Variants in SLC44A5 observed in about 807,000 individuals in gnomAD.
SLC44A5 encodes the protein choline transporter-like protein 5.
SLC44A5 carries 57 observed loss-of-function variants against 101.8 expected under a neutral mutation model. That is an observed-to-expected ratio of 0.56 (90% confidence interval 0.45 to 0.70). The LOEUF is 0.70. Among genes scored for constraint, SLC44A5 ranks in the 30% least tolerant of loss-of-function variants. The probability of loss-of-function intolerance (pLI) is 0.00; values close to 1 mark genes in which losing one functional copy is unlikely to be tolerated. For synonymous variants in SLC44A5, 281 were observed against 290.9 expected (o/e 0.97, Z 0.35); for missense variants, 737 against 853.1 (o/e 0.86, Z 1.70).
chr1:75,682,328 G>A, the SLC44A5 span, among the ~76,000 whole-genome samples: 1 of 152,010 alleles, frequency 6.6e-6, no homozygotes, highest in Non-Finnish European at 1.5e-5. Flanking sequence ...CAAAGCTGGA[G>A]GCATCACACT....
chr1:75,542,298 T>G (rs1480167630), intron 1 of SLC44A5, among the ~76,000 whole-genome samples: 3 of 152,160 alleles, frequency 2.0e-5, no homozygotes, highest in African/African-American at 7.2e-5. Context: ...TGCCTAGATC[T>G]TCTATGTATA....
At chr1:75,360,013 T>G (rs1031865816) in intron 3 of SLC44A5, among the ~76,000 whole-genome samples, 4 of 152,208 alleles carry the variant, frequency 2.6e-5, no homozygotes, top group African/African-American at 4.8e-5. Context: ...TTAATTGAGT[T>G]ACTTGTTTCC....
At chr1:75,681,223 T>C in the SLC44A5 span, among the ~76,000 whole-genome samples, 14 of 152,186 alleles carry the variant, frequency 9.2e-5, no homozygotes, top group Non-Finnish European at 1.6e-4. Flanking sequence ...TTCCAATCAA[T>C]AGAAAAAGAG....
intron 2 of SLC44A5, among the ~76,000 whole-genome samples, chr1:75,463,518 A>C (rs1356777247): frequency 6.6e-6 from 1 of 151,942 alleles, no homozygotes; most frequent in Non-Finnish European, 1.5e-5. Context: ...CAGATTTTTC[A>C]GTGGAAATCT....
chr1:75,234,665 C>CA (rs1647907394), intron 11 of SLC44A5, among the ~76,000 whole-genome samples: 1 of 152,052 alleles, frequency 6.6e-6, no homozygotes, highest in Non-Finnish European at 1.5e-5. Context: ...TGCCTTATGT[C>CA]ATCCAGACTT....
chr1:75,322,039 T>C (rs910443621), intron 4 of SLC44A5, among the ~76,000 whole-genome samples: 2 of 152,128 alleles, frequency 1.3e-5, no homozygotes, highest in African/African-American at 4.8e-5. Context: ...ACAGGCCAGG[T>C]GTGGTGGCTC....
intron 2 of SLC44A5, among the ~76,000 whole-genome samples, chr1:75,492,313 A>C (rs1668466360): frequency 6.6e-6 from 1 of 152,208 alleles, no homozygotes; most frequent in African/African-American, 2.4e-5. Flanking sequence ...AGCCTGTCAA[A>C]ACTTTAGTAG....
intron 2 of SLC44A5, among the ~76,000 whole-genome samples, chr1:75,459,237 G>A (rs185410814): frequency 6.6e-6 from 1 of 152,278 alleles, no homozygotes; most frequent in Non-Finnish European, 1.5e-5. Context: ...GCTATTGCCT[G>A]TCTTACGAAA....
At position 75,444,483 on chromosome 1, in the gene SLC44A5, G is replaced by GAAGAAAGAAAGAAAGA. The variant is rs369997923; in HGVS notation, c.14-47878_14-47863dup. On this transcript the variant is annotated intron_variant, in intron 2 of 23. Transcript: ENST00000370859. ...AAAGAAAAAAAGAAAGAGAAAGAAA[G>GAAGAAAGAAAGAAAGA]AAGAAAGAAAGAAAGAAAGAAAGAA... 5.7e-3 allele frequency among the ~76,000 whole-genome samples: 807 copies of GAAGAAAGAAAGAAAGA among 140,708 alleles called. 10 individuals are homozygous for GAAGAAAGAAAGAAAGA. The highest frequency in any genetic ancestry group is 0.019 in the South Asian group (78 of 4,186). 92.3% of individuals were successfully genotyped at this position (140,708 alleles called of 152,430 possible).
chr1:75,457,783 C>T (rs1008129245), intron 2 of SLC44A5, among the ~76,000 whole-genome samples: 7 of 151,400 alleles, frequency 4.6e-5, no homozygotes, highest in South Asian at 4.2e-4. Flanking sequence ...CTTGAACCCG[C>T]GAGGCGGAGG....
intron 2 of SLC44A5, among the ~76,000 whole-genome samples, chr1:75,481,255 A>T (rs1667826706): frequency 6.6e-6 from 1 of 152,242 alleles, no homozygotes; most frequent in Admixed American, 6.5e-5. Context: ...AAATTAATTC[A>T]AGATGGATTA....
intron 2 of SLC44A5, among the ~76,000 whole-genome samples, chr1:75,461,338 ATAATATTATTT>A (rs752349708): frequency 1.1e-4 from 16 of 152,298 alleles, no homozygotes; most frequent in Non-Finnish European, 2.2e-4. Flanking sequence ...TCCCTGTAAG[ATAATATTATTT>A]AGGTCACAAC....
intron 2 of SLC44A5, among the ~76,000 whole-genome samples, chr1:75,436,253 C>T (rs946598445): frequency 2.0e-4 from 31 of 152,110 alleles, no homozygotes; most frequent in East Asian, 5.8e-4. Flanking sequence ...ATAATTATCA[C>T]GATGAATTTA....
At chr1:75,662,140 A>T in the SLC44A5 span, among the ~76,000 whole-genome samples, 1 of 152,140 alleles carries the variant, frequency 6.6e-6, no homozygotes, top group African/African-American at 2.4e-5. Context: ...TATGGTATAT[A>T]TATACAATGG....
At chr1:75,556,229 C>T (rs965620281) in intron 1 of SLC44A5, among the ~76,000 whole-genome samples, 8 of 151,974 alleles carry the variant, frequency 5.3e-5, no homozygotes, top group Admixed American at 3.3e-4. Flanking sequence ...TCTACTGTGC[C>T]CTATGTTTGT....
chr1:75,578,758 A>T (rs898739443), intron 1 of SLC44A5, among the ~76,000 whole-genome samples: 8 of 152,200 alleles, frequency 5.3e-5, no homozygotes, highest in African/African-American at 1.4e-4. Flanking sequence ...TATTGATACT[A>T]GAAAATTGCT....
the SLC44A5 span, among the ~76,000 whole-genome samples, chr1:75,658,952 G>A: frequency 6.6e-6 from 1 of 151,958 alleles, no homozygotes; most frequent in East Asian, 1.9e-4. Context: ...TATTACAACT[G>A]ATACCACAGA....
At chr1:75,514,034 G>A (rs1669699736) in intron 2 of SLC44A5, among the ~76,000 whole-genome samples, 1 of 152,020 alleles carries the variant, frequency 6.6e-6, no homozygotes, top group Non-Finnish European at 1.5e-5. Context: ...TTGTAGAGCT[G>A]GAGTCTCTCT....
At chr1:75,281,343 G>T (rs187457339) in intron 5 of SLC44A5, among the ~76,000 whole-genome samples, 183 of 152,216 alleles carry the variant, frequency 1.2e-3, no homozygotes, top group African/African-American at 4.3e-3. Flanking sequence ...TGAGAGAGAT[G>T]ATTTAGGGTA....
Sources: allele counts gnomAD v4.1 joint callset (sites outside exome capture counted in the v4.1 genomes callset), GRCh38; gene constraint gnomAD v4.1.1; transcripts MANE v1.5; gene names NCBI Gene and HGNC (gene_info 2026-07-23, HGNC 2026-07-21).